The following IGSF9B variants were observed in gnomAD, a reference collection of about 807,000 sequenced individuals.
IGSF9B encodes protein turtle homolog B.
In IGSF9B, 48 loss-of-function variants were observed where a neutral mutation model predicts 143.7. The observed-to-expected ratio is 0.33, with a 90% CI of 0.26 to 0.42. The LOEUF (loss-of-function observed/expected upper bound fraction) is 0.42. Ranked by LOEUF, IGSF9B falls within the 20% of genes least tolerant of loss-of-function variation. The probability of loss-of-function intolerance (pLI) is 1.00; values close to 1 mark genes in which losing one functional copy is unlikely to be tolerated. For synonymous variants in IGSF9B, 903 were observed against 833.1 expected (o/e 1.08, Z -1.44); for missense variants, 1,706 against 1,980.0 (o/e 0.86, Z 2.63).
intron 18 of IGSF9B, among the ~76,000 whole-genome samples, chr11:133,918,798 G>A (rs969901400): frequency 8.1e-6 from 1 of 123,622 alleles, no homozygotes; most frequent in African/African-American, 2.9e-5. Context: ...CCAAAGGACG[G>A]AGCCAGAGAG....
intron 3 of IGSF9B, among the ~76,000 whole-genome samples, chr11:133,938,763 G>C (rs1256787239): frequency 1.3e-5 from 2 of 152,118 alleles, no homozygotes. Context: ...GGCTGGCGCA[G>C]GTCAAGCTGA....
intron 12 of IGSF9B, 59 bp from the exon 13 acceptor site, chr11:133,927,150 G>A: frequency 1.3e-5 from 18 of 1,392,920 alleles, no homozygotes; most frequent in Non-Finnish European, 1.8e-5. Flanking sequence ...ACACTGGAGA[G>A]AAGAGGGTGC....
rs1449523416 is a variant in IGSF9B at position 133,928,372 on chromosome 11, T to C, written c.1632-1281A>G. 6.6e-6 allele frequency among the ~76,000 whole-genome samples: 1 copy of C among 151,966 alleles called. No homozygotes were observed. Among genetic ancestry groups the C allele is most frequent in the Non-Finnish European group, 1.5e-5 (1 of 68,000 alleles). ...TCCAGGTGCAGTTCTCCAATCAGAATCAAGACACCCAGGACACTCCGCCCG... is the reference window on the plus strand; with the variant it reads ...TCCAGGTGCAGTTCTCCAATCAGAACCAAGACACCCAGGACACTCCGCCCG... On this transcript the variant is annotated intron_variant, in intron 12 of 19. Transcript: ENST00000533871. This position sits in a 1 kb window ranked among gnomAD's most constrained non-coding sequence, Gnocchi z 4.7.
At chr11:133,940,650 G>A (rs541624175) in intron 3 of IGSF9B, among the ~76,000 whole-genome samples, 2 of 119,734 alleles carry the variant, frequency 1.7e-5, no homozygotes, top group African/African-American at 3.3e-5. Context: ...GTCATCACAC[G>A]CAAAAACATA....
chr11:133,905,071 C>T lies in IGSF9B; in HGVS notation c.*3998G>A, dbSNP rs542418221. Among the ~76,000 whole-genome samples, 99 of 151,780 alleles carry T rather than the reference C, an allele frequency of 6.5e-4. No individual in the cohort carries two copies. Among genetic ancestry groups the T allele is most frequent in the Non-Finnish European group, 1.1e-3 (78 of 67,950 alleles). On this transcript the variant is annotated 3_prime_UTR_variant, in exon 20 of 20. Transcript: ENST00000533871. The surrounding 1 kb of genome is among the most constrained non-coding windows in gnomAD (Gnocchi z 4.0). ...GGACTCAACAGAGCCTTCCATGACCCGCTCAGCTCCACCCTCTGCCCCTTC... is the reference window on the plus strand; with the variant it reads ...GGACTCAACAGAGCCTTCCATGACCTGCTCAGCTCCACCCTCTGCCCCTTC...
chr11:133,897,569 A>G lies in IGSF9B; in HGVS notation c.*11500T>C, dbSNP rs1213494792. The G allele has an allele frequency of 1.3e-5, 2 of 152,154 alleles. No homozygotes were observed. Among genetic ancestry groups the G allele is most frequent in the East Asian group, 1.9e-4 (1 of 5,176 alleles). 9.4% of individuals were successfully genotyped at this position (152,154 alleles called of 1,614,324 possible). A position where few individuals can be genotyped will look rare whatever the true frequency, so the allele number is the denominator to read the frequency against. On this transcript the variant is annotated 3_prime_UTR_variant, in exon 20 of 20. Coordinates refer to ENST00000533871, the MANE Select transcript of IGSF9B (RefSeq NM_001277285.4). ...ACGCGCTGGCATTCCCAGGCTTTTG[A>G]GAAGAGGGTGATAGAGCAGGGAGCT...
Position 133,936,062 on chromosome 11 carries a change from T to C in IGSF9B, c.812A>G (p.Tyr271Cys), listed in dbSNP as rs780230762. The change falls in exon 6 of 20, where the codon TAC becomes TGC. Residue 271 changes from tyrosine to cysteine, a missense_variant. By Grantham distance (194) the Tyr-to-Cys change is radical. Around this residue, in one of 7 missense-constraint regions of IGSF9B, gnomAD observed 238 missense variants for 452.6 expected, o/e 0.53. Coordinates refer to ENST00000533871, the MANE Select transcript of IGSF9B (RefSeq NM_001277285.4). ...AGAGCAGGGTGCTCACTTCTGAAAGTAGACGTTCTCGTCCTGCCAGTACCA... is the reference window on the plus strand; with the variant it reads ...AGAGCAGGGTGCTCACTTCTGAAAGCAGACGTTCTCGTCCTGCCAGTACCA... ...YTWYWQDENV[Y>C]FQNDLKLRVR... The C allele has an allele frequency of 3.1e-6, 5 of 1,613,558 alleles. No homozygotes were observed. The highest frequency in any genetic ancestry group is 3.4e-6 in the Non-Finnish European group (4 of 1,179,738).
At chr11:133,911,677 A>T (rs923056064) in intron 19 of IGSF9B, among the ~76,000 whole-genome samples, 1 of 152,240 alleles carries the variant, frequency 6.6e-6, no homozygotes, top group Admixed American at 6.5e-5. Flanking sequence ...CTCGTTTTGT[A>T]TATGAAAATT....
At chr11:133,916,458 G>A (rs999107391) in intron 18 of IGSF9B, among the ~76,000 whole-genome samples, 5 of 152,206 alleles carry the variant, frequency 3.3e-5, no homozygotes, top group African/African-American at 1.2e-4. Flanking sequence ...AACAGAGCCT[G>A]CATCTCCCCA....
chr11:133,915,476 G>T (rs952778667), intron 18 of IGSF9B, among the ~76,000 whole-genome samples: 1 of 151,858 alleles, frequency 6.6e-6, no homozygotes, highest in Non-Finnish European at 1.5e-5. Flanking sequence ...TCACTATGTT[G>T]CCCAGGCTGG....
At chr11:133,924,947 G>C (rs1174079492) in intron 14 of IGSF9B, 43 bp from the exon 15 acceptor site, 1 of 1,528,084 alleles carries the variant, frequency 6.5e-7, no homozygotes, top group Non-Finnish European at 9.0e-7. Flanking sequence ...AGGGACCTGA[G>C]ATGACCACTG....
rs540891067 is a variant in IGSF9B, at chr11:133,907,867, C to G, written c.*1202G>C. 6.6e-6 allele frequency among the ~76,000 whole-genome samples: 1 copy of G among 152,200 alleles called. No individual in the cohort carries two copies. Among genetic ancestry groups the G allele is most frequent in the Non-Finnish European group, 1.5e-5 (1 of 68,022 alleles). On this transcript the variant is annotated 3_prime_UTR_variant, in exon 20 of 20. Coordinates refer to ENST00000533871, the MANE Select transcript of IGSF9B (RefSeq NM_001277285.4). ...CCTGCAGCTCAGGTCCACCGGAGGA[C>G]GAAGGCCCCGGGGCAGAGAAGAGTC...
rs865840498 is a variant in IGSF9B, at chr11:133,945,682, C to T, written c.262+379G>A. Among the ~76,000 whole-genome samples, 11 of 152,132 alleles carry T rather than the reference C, an allele frequency of 7.2e-5. No individual in the cohort carries two copies. Among genetic ancestry groups the T allele is most frequent in the Non-Finnish European group, 1.3e-4 (9 of 68,032 alleles). On this transcript the variant is annotated intron_variant, in intron 2 of 19. Transcript: ENST00000533871. This position sits in a 1 kb window ranked among gnomAD's most constrained non-coding sequence, Gnocchi z 4.6. ...TCCATACACTCAGGACGGGAAGGCG[C>T]CCCGACTTCAGAGCCAAGAGGAAAG...
At chr11:133,918,947 G>A (rs1476890249) in intron 18 of IGSF9B, 1 of 466,008 alleles carries the variant, frequency 2.1e-6, no homozygotes, top group African/African-American at 2.0e-5. Context: ...AGGAGGGGCA[G>A]GGGGAGGAGG....
rs1333687535 is a variant in IGSF9B, at chr11:133,937,964, G to A, written c.410-3C>T. 6.2e-7 allele frequency: 1 copy of A among 1,612,924 alleles called. No individual in the cohort carries two copies. Among genetic ancestry groups the A allele is most frequent in the South Asian group, 1.1e-5 (1 of 90,818 alleles). On this transcript the variant is annotated splice_polypyrimidine_tract_variant and splice_region_variant and intron_variant, in intron 3 of 19. Transcript: ENST00000533871. The stretch of plus-strand genomic sequence containing the variant: ...TGTTTCTGTAAAGGTGGGAGGGGCT[G>A]CAAAGGAGACCACAAAGATGAAGGA...
intron 19 of IGSF9B, among the ~76,000 whole-genome samples, chr11:133,911,151 C>T (rs936521577): frequency 1.3e-5 from 2 of 152,224 alleles, no homozygotes. Context: ...CAGACTGCCA[C>T]AACACTCCTA....
intron 19 of IGSF9B, among the ~76,000 whole-genome samples, chr11:133,910,199 G>C (rs1452253417): frequency 6.6e-6 from 1 of 152,192 alleles, no homozygotes; most frequent in Non-Finnish European, 1.5e-5. Flanking sequence ...GTGTGTGTTT[G>C]TGTATGTGCA....
At chr11:133,943,274 G>A (rs891257919) in intron 3 of IGSF9B, among the ~76,000 whole-genome samples, 12 of 152,242 alleles carry the variant, frequency 7.9e-5, no homozygotes, top group African/African-American at 1.9e-4. Flanking sequence ...ATGGAATAAC[G>A]AAGGACACAT....
chr11:133,922,285 T>C (rs755418322), intron 16 of IGSF9B, 63 bp from the exon 17 acceptor site: 33 of 1,346,254 alleles, frequency 2.5e-5, no homozygotes, highest in Non-Finnish European at 3.3e-5. Flanking sequence ...AGCACGCGCA[T>C]CTGCAGAGGC....
Sources: gnomAD v4.1 joint callset for allele counts (sites outside exome capture counted in the v4.1 genomes callset) on GRCh38, gnomAD v4.1.1 for gene constraint, gnomAD v4.1.1 regional missense constraint, Gnocchi (gnomAD v3.1) non-coding constraint, MANE v1.5 for transcripts, NCBI Gene and HGNC (gene_info 2026-07-23, HGNC 2026-07-21) for gene names.